Variants in FRMPD1 observed in about 807,000 individuals in gnomAD.
The protein encoded by FRMPD1 is FERM and PDZ domain-containing protein 1.
In FRMPD1, 76 loss-of-function variants were observed where a neutral mutation model predicts 117.8. That is an observed-to-expected ratio of 0.65 (90% CI 0.54 to 0.78). The LOEUF is 0.78. Ranked by LOEUF, FRMPD1 falls within the 30% of genes least tolerant of loss-of-function variation. The probability of loss-of-function intolerance (pLI) is 0.00; values close to 1 mark genes in which losing one functional copy is unlikely to be tolerated. For synonymous variants in FRMPD1, 783 were observed against 770.4 expected (o/e 1.02, Z -0.27); for missense variants, 1,786 against 1,964.5 (o/e 0.91, Z 1.72).
At chr9:37,648,038 A>G (rs1824174798), upstream of FRMPD1, among the ~76,000 whole-genome samples, 1 of 152,202 alleles carries the variant, frequency 6.6e-6, no homozygotes, top group Non-Finnish European at 1.5e-5. Flanking sequence ...CTCACCGCAT[A>G]TAATGATTAG....
the FRMPD1 span, among the ~76,000 whole-genome samples, chr9:37,617,502 A>G: frequency 1.3e-5 from 2 of 152,364 alleles, no homozygotes; most frequent in Admixed American, 1.3e-4. Context: ...AGGATTAAAT[A>G]TGCTAATGTA....
At chr9:37,736,445 C>A (rs1448718201) in intron 13 of FRMPD1, among the ~76,000 whole-genome samples, 1 of 150,176 alleles carries the variant, frequency 6.7e-6, no homozygotes, top group East Asian at 2.0e-4. Flanking sequence ...GCAGGAGAAT[C>A]ACTTAAACCC....
At chr9:37,692,207 T>C (rs1822163428) in intron 1 of FRMPD1, among the ~76,000 whole-genome samples, 1 of 152,176 alleles carries the variant, frequency 6.6e-6, no homozygotes, top group Admixed American at 6.5e-5. Context: ...CTCAGAGGAA[T>C]CTGCACAATG....
chr9:37,715,577 G>C (rs1952126), intron 5 of FRMPD1: 319,453 of 452,694 alleles, frequency 0.71, 113,581 homozygotes, highest in East Asian at 0.94. Context: ...CTGCTGCTTT[G>C]TGATGAATTA....
intron 1 of FRMPD1, among the ~76,000 whole-genome samples, chr9:37,666,154 G>A (rs1038002814): frequency 6.6e-6 from 1 of 152,142 alleles, no homozygotes; most frequent in Non-Finnish European, 1.5e-5. Flanking sequence ...GGTAGTAGGA[G>A]TTCTCCTGAC....
At chr9:37,725,222 G>A (rs3827514) in intron 7 of FRMPD1, among the ~76,000 whole-genome samples, 12 of 152,012 alleles carry the variant, frequency 7.9e-5, no homozygotes, top group Non-Finnish European at 1.6e-4. Context: ...AGATAATATC[G>A]TATGGTGCTA....
the FRMPD1 span, among the ~76,000 whole-genome samples, chr9:37,628,038 C>A: frequency 6.6e-6 from 1 of 152,248 alleles, no homozygotes; most frequent in Non-Finnish European, 1.5e-5. Context: ...AAGGCTCAGA[C>A]AAAAAGGAAA....
chr9:37,740,422 T>C lies in FRMPD1; in HGVS notation c.1894T>C (p.Ser632Pro), dbSNP rs765687071. The change falls in exon 15 of 16, where the codon TCG becomes CCG. Residue 632 changes from serine (S) to proline (P), a missense_variant. Coordinates refer to ENST00000377765, the MANE Select transcript of FRMPD1 (RefSeq NM_014907.3). This position sits in a 1 kb window ranked among gnomAD's most constrained non-coding sequence, Gnocchi z 4.2. ...SSRSTFFHFG[S>P]PGLAESIDSD... ...CAGGTCCACCTTCTTCCACTTTGGC[T>C]CGCCAGGCCTCGCAGAGAGCATTGA... 1.9e-6 allele frequency: 3 copies of C among 1,614,104 alleles called. No homozygotes were observed. Among genetic ancestry groups the C allele is most frequent in the South Asian group, 2.2e-5 (2 of 91,078 alleles).
chr9:37,652,156 G>A (rs1396620419), intron 1 of FRMPD1, among the ~76,000 whole-genome samples: 1 of 152,072 alleles, frequency 6.6e-6, no homozygotes, highest in African/African-American at 2.4e-5. Flanking sequence ...CAGAATGGTT[G>A]TTTGGGAAAA....
At chr9:37,633,538 G>A in the FRMPD1 span, among the ~76,000 whole-genome samples, 1 of 152,166 alleles carries the variant, frequency 6.6e-6, no homozygotes, top group Non-Finnish European at 1.5e-5. Flanking sequence ...GAGAACCAGT[G>A]GTGTGCTGTA....
intron 1 of FRMPD1, among the ~76,000 whole-genome samples, chr9:37,655,815 A>T (rs1248501612): frequency 6.6e-6 from 1 of 151,676 alleles, no homozygotes; most frequent in Non-Finnish European, 1.5e-5. Context: ...CCAACTCTTA[A>T]TCCCCCTAGC....
At position 37,740,885 on chromosome 9, in the gene FRMPD1, G is replaced by A. The variant is rs916004638; in HGVS notation, c.2356+1G>A. The A allele has an allele frequency of 6.2e-7, 1 of 1,612,914 alleles. No homozygotes were observed. The highest frequency in any genetic ancestry group is 1.3e-5 in the African/African-American group (1 of 75,032). Reference sequence around the variant, plus strand: ...CTCACTCCCCCAGGCCCCCCGTCAGGTGAGCCGTCCCTTGCAGGTCTGCAG... The same window carrying A: ...CTCACTCCCCCAGGCCCCCCGTCAGATGAGCCGTCCCTTGCAGGTCTGCAG... On this transcript the variant is annotated splice_donor_variant, in intron 15 of 15. Coordinates refer to ENST00000377765, the MANE Select transcript of FRMPD1 (RefSeq NM_014907.3). LOFTEE classifies it high-confidence loss of function. This position sits in a 1 kb window ranked among gnomAD's most constrained non-coding sequence, Gnocchi z 4.2.
chr9:37,740,631 C>T lies in FRMPD1; in HGVS notation c.2103C>T (p.Gly701=), dbSNP rs199646616. The T allele has an allele frequency of 1.9e-6, 3 of 1,614,132 alleles. No individual in the cohort carries two copies. The African/African-American group carries it at 4.0e-5, about 22-fold the overall frequency. ...GGCTGGACCCCAGGCTGTATGAAGGCAGCCACGCTGACTACTACAGCCTGT... is the reference window on the plus strand; with the variant it reads ...GGCTGGACCCCAGGCTGTATGAAGGTAGCCACGCTGACTACTACAGCCTGT... ...TVRLDPRLYE[G]SHADYYSLCS... Residue 701 remains glycine, a synonymous_variant, in exon 15 of 16, where the codon GGC becomes GGT. Coordinates refer to ENST00000377765, the MANE Select transcript of FRMPD1 (RefSeq NM_014907.3). This position sits in a 1 kb window ranked among gnomAD's most constrained non-coding sequence, Gnocchi z 4.2.
chr9:37,685,471 G>A (rs902896314), intron 1 of FRMPD1, among the ~76,000 whole-genome samples: 23 of 151,432 alleles, frequency 1.5e-4, no homozygotes, highest in Non-Finnish European at 2.5e-4. Context: ...GTGAAACCCT[G>A]TCTCTACTAA....
At chr9:37,633,814 T>C in the FRMPD1 span, among the ~76,000 whole-genome samples, 1 of 152,194 alleles carries the variant, frequency 6.6e-6, no homozygotes, top group Non-Finnish European at 1.5e-5. Context: ...TGAGTTATAA[T>C]CATATCACTC....
chr9:37,744,765 C>A lies in FRMPD1; in HGVS notation c.2733C>A (p.Thr911=), dbSNP rs778819589. The A allele has an allele frequency of 5.6e-6, 9 of 1,613,966 alleles. No homozygotes were observed. Among genetic ancestry groups the A allele is most frequent in the Admixed American group, 1.7e-5 (1 of 59,996 alleles). The change falls in exon 16 of 16, where the codon ACC becomes ACA. Residue 911 remains threonine, a synonymous_variant. Coordinates refer to ENST00000377765, the MANE Select transcript of FRMPD1 (RefSeq NM_014907.3). ...ALGLLAPLRE[T]KSTNPASRVM... ...GGCTGCTGGCTCCTCTGAGGGAGAC[C>A]AAGAGCACAAACCCAGCCTCCAGGG...
At chr9:37,637,089 G>A in the FRMPD1 span, 3 of 1,574,018 alleles carry the variant, frequency 1.9e-6, no homozygotes, top group African/African-American at 1.3e-5. Context: ...GTCCAGAACC[G>A]TTCCTGGCCC....
the FRMPD1 span, among the ~76,000 whole-genome samples, chr9:37,631,957 A>T: frequency 6.6e-6 from 1 of 152,064 alleles, no homozygotes; most frequent in Admixed American, 6.5e-5. Context: ...AATTTTAATG[A>T]TTTTTTTCCT....
intron 1 of FRMPD1, among the ~76,000 whole-genome samples, chr9:37,660,110 A>C (rs1002039706): frequency 6.6e-6 from 1 of 151,160 alleles, no homozygotes; most frequent in Non-Finnish European, 1.5e-5. Flanking sequence ...TGGCTGCTGC[A>C]CTCATTTCAA....
Sources: allele counts gnomAD v4.1 joint callset (sites outside exome capture counted in the v4.1 genomes callset), GRCh38; gene constraint gnomAD v4.1.1; non-coding constraint Gnocchi (gnomAD v3.1); transcripts MANE v1.5; gene names NCBI Gene and HGNC (gene_info 2026-07-23, HGNC 2026-07-21).